The following CCNY variants were observed in gnomAD, a reference collection of about 807,000 sequenced individuals.
The protein encoded by CCNY is cyclin Y, also known as cyclin-Y.
CCNY carries 19 observed loss-of-function variants against 42.8 expected under a neutral mutation model. That is an observed-to-expected ratio of 0.44 (90% CI 0.31 to 0.65). The LOEUF (loss-of-function observed/expected upper bound fraction) is 0.65, where lower values mean the gene tolerates loss of function less well. Ranked by LOEUF, CCNY falls within the 30% of genes least tolerant of loss-of-function variation. The pLI, the probability that CCNY is intolerant of heterozygous loss-of-function variation, is 0.07. For missense variants in CCNY, 370 were observed against 437.3 expected, an observed-to-expected ratio of 0.85 and a Z score of 1.37; for synonymous variants, 165 against 162.7, an observed-to-expected ratio of 1.01 and a Z score of -0.11.
upstream of CCNY, among the ~76,000 whole-genome samples, chr10:35,332,988 A>G (rs1835964048): frequency 6.6e-6 from 1 of 152,044 alleles, no homozygotes; most frequent in Admixed American, 6.6e-5. Context: ...ATAATTCCCA[A>G]ATGATTCTTT....
At chr10:35,404,350 A>G (rs1837710576) in intron 1 of CCNY, among the ~76,000 whole-genome samples, 1 of 152,144 alleles carries the variant, frequency 6.6e-6, no homozygotes. Context: ...GTGTAATGAA[A>G]AGGGTTGGGA....
At chr10:35,318,540 G>T (rs1835786495) in intron 3 of CCNY, among the ~76,000 whole-genome samples, 1 of 152,184 alleles carries the variant, frequency 6.6e-6, no homozygotes, top group Admixed American at 6.5e-5. Context: ...TTTCGAGGTA[G>T]TTGAGTAGCT....
chr10:35,427,935 G>A (rs1422654731), intron 1 of CCNY, among the ~76,000 whole-genome samples: 1 of 151,996 alleles, frequency 6.6e-6, no homozygotes, highest in Admixed American at 6.6e-5. Flanking sequence ...CACTTAGTCA[G>A]GACATCCAAC....
intron 3 of CCNY, among the ~76,000 whole-genome samples, chr10:35,314,155 T>A (rs1835725117): frequency 6.6e-6 from 1 of 152,136 alleles, no homozygotes; most frequent in African/African-American, 2.4e-5. Flanking sequence ...ATAGTCCTCA[T>A]TCTCCCTTTA....
intron 1 of CCNY, chr10:35,449,645 G>A (rs180897414): frequency 3.0e-6 from 1 of 333,274 alleles, no homozygotes; most frequent in Non-Finnish European, 4.3e-6. Context: ...GAGAGGGTGG[G>A]AGGGGCAGGG....
intron 8 of CCNY, among the ~76,000 whole-genome samples, chr10:35,562,069 A>G (rs1404003216): frequency 1.3e-5 from 2 of 152,230 alleles, no homozygotes; most frequent in Non-Finnish European, 2.9e-5. Context: ...AAATTTCACC[A>G]TGCAGAGTTC....
intron 3 of CCNY, among the ~76,000 whole-genome samples, chr10:35,284,996 A>C (rs990023235): frequency 6.6e-6 from 1 of 151,950 alleles, no homozygotes; most frequent in Non-Finnish European, 1.5e-5. Context: ...CAACTCTTCT[A>C]AGTTTGTTAC....
chr10:35,400,308 C>A (rs1233690447), intron 1 of CCNY, among the ~76,000 whole-genome samples: 1 of 152,064 alleles, frequency 6.6e-6, no homozygotes, highest in Non-Finnish European at 1.5e-5. Context: ...TGTTTCCCCT[C>A]TTGGAGAGGA....
Position 35,380,359 on chromosome 10 carries a change from C to G in CCNY, c.154+43152C>G, listed in dbSNP as rs755069451. On this transcript the variant is annotated intron_variant, in intron 1 of 9. Coordinates refer to ENST00000374704, the MANE Select transcript of CCNY (RefSeq NM_145012.6). ...AATGTCTTTCCCTTTCTCTCCCACTCCTGATTTCCACCTGGGAATCCTATC... is the reference window on the plus strand; with the variant it reads ...AATGTCTTTCCCTTTCTCTCCCACTGCTGATTTCCACCTGGGAATCCTATC... Among the ~76,000 whole-genome samples, 301 of 152,302 alleles carry G rather than the reference C, an allele frequency of 2.0e-3. 2 individuals carry two copies. The highest frequency in any genetic ancestry group is 2.6e-3 in the Non-Finnish European group (178 of 68,028).
chr10:35,537,937 A>G (rs1157922195), intron 7 of CCNY, among the ~76,000 whole-genome samples: 1 of 152,148 alleles, frequency 6.6e-6, no homozygotes, highest in Non-Finnish European at 1.5e-5. Context: ...CTGTGTCCCC[A>G]CCAAGATCGC....
chr10:35,372,887 A>G (rs1159906686), intron 1 of CCNY, among the ~76,000 whole-genome samples: 1 of 152,036 alleles, frequency 6.6e-6, no homozygotes, highest in South Asian at 2.1e-4. Flanking sequence ...TTTTAGAGAC[A>G]GGGCTTCACC....
chr10:35,338,358 T>TAAC (rs1359598276), intron 1 of CCNY, among the ~76,000 whole-genome samples: 1 of 152,218 alleles, frequency 6.6e-6, no homozygotes, highest in Non-Finnish European at 1.5e-5. Context: ...ATTAAATGAG[T>TAAC]GCCATGTATA....
intron 2 of CCNY, among the ~76,000 whole-genome samples, chr10:35,483,946 CCA>C (rs1255214114): frequency 1.3e-5 from 2 of 151,294 alleles, no homozygotes; most frequent in Non-Finnish European, 3.0e-5. Flanking sequence ...CTTTTTTTTT[CCA>C]CCTCTATAAT....
At chr10:35,529,632 G>A (rs1840722668) in intron 5 of CCNY, among the ~76,000 whole-genome samples, 1 of 152,004 alleles carries the variant, frequency 6.6e-6, no homozygotes, top group Non-Finnish European at 1.5e-5. Context: ...GGAGGACAAA[G>A]CAGGTGGATC....
At chr10:35,545,964 A>G (rs1422347248) in intron 7 of CCNY, among the ~76,000 whole-genome samples, 2 of 152,208 alleles carry the variant, frequency 1.3e-5, no homozygotes, top group African/African-American at 4.8e-5. Flanking sequence ...GTGATAATTT[A>G]TGGAGCATTG....
intron 3 of CCNY, among the ~76,000 whole-genome samples, chr10:35,285,574 G>T (rs566030522): frequency 6.6e-6 from 1 of 152,274 alleles, no homozygotes; most frequent in East Asian, 1.9e-4. Flanking sequence ...ACTCAGATGT[G>T]AGCCACCACA....
chr10:35,415,470 T>C (rs1838003902), intron 1 of CCNY, among the ~76,000 whole-genome samples: 2 of 150,974 alleles, frequency 1.3e-5, no homozygotes, highest in African/African-American at 2.4e-5. Flanking sequence ...GGAAACTCTT[T>C]CCTGAAGGCA....
chr10:35,404,863 G>T (rs956430319), intron 1 of CCNY, among the ~76,000 whole-genome samples: 1 of 152,174 alleles, frequency 6.6e-6, no homozygotes, highest in African/African-American at 2.4e-5. Context: ...GGCTGTCCAC[G>T]AAGCCTTGCA....
At chr10:35,488,771 T>C (rs2135374986) in intron 2 of CCNY, among the ~76,000 whole-genome samples, 1 of 152,354 alleles carries the variant, frequency 6.6e-6, no homozygotes, top group African/African-American at 2.4e-5. Flanking sequence ...TTAACAAATA[T>C]TTCAGATGAA....
Sources: allele counts gnomAD v4.1 joint callset (sites outside exome capture counted in the v4.1 genomes callset), GRCh38; gene constraint gnomAD v4.1.1; transcripts MANE v1.5; gene names NCBI Gene and HGNC (gene_info 2026-07-23, HGNC 2026-07-21).